The following ADAM10 variants were observed in gnomAD, a reference collection of about 807,000 sequenced individuals.
The protein encoded by ADAM10 is disintegrin and metalloproteinase domain-containing protein 10.
ADAM10 carries 17 observed loss-of-function variants against 90.1 expected under a neutral mutation model. That is an observed-to-expected ratio of 0.19 (90% confidence interval 0.13 to 0.28). The LOEUF is 0.28. Ranked by LOEUF, ADAM10 falls within the 10% of genes least tolerant of loss-of-function variation. The pLI is 1.00. For synonymous variants in ADAM10, 310 were observed against 298.6 expected, an observed-to-expected ratio of 1.04 and a Z score of -0.40; for missense variants, 610 against 914.3, an observed-to-expected ratio of 0.67 and a Z score of 4.29.
intron 11 of ADAM10, among the ~76,000 whole-genome samples, chr15:58,620,398 C>T (rs1196944787): frequency 1.3e-5 from 2 of 151,662 alleles, no homozygotes; most frequent in Non-Finnish European, 2.9e-5. Context: ...ACCTGGGAGG[C>T]AGAGGTTGCA....
intron 4 of ADAM10, among the ~76,000 whole-genome samples, chr15:58,667,944 G>C (rs1199399466): frequency 1.3e-5 from 2 of 151,992 alleles, no homozygotes; most frequent in South Asian, 2.1e-4. Context: ...AGCACAGAGT[G>C]ATTGTCCCTA....
intron 2 of ADAM10, among the ~76,000 whole-genome samples, chr15:58,717,299 T>A (rs1330752599): frequency 2.0e-5 from 3 of 152,210 alleles, no homozygotes; most frequent in African/African-American, 7.2e-5. Context: ...TCAGAAACTA[T>A]GTACACAGAA....
intron 1 of ADAM10, among the ~76,000 whole-genome samples, chr15:58,725,006 C>T (rs1898984131): frequency 6.6e-6 from 1 of 151,378 alleles, no homozygotes; most frequent in Non-Finnish European, 1.5e-5. Flanking sequence ...GCCTGGGCAA[C>T]ATGACCAAAC....
intron 1 of ADAM10, among the ~76,000 whole-genome samples, chr15:58,737,889 A>C (rs547098077): frequency 3.0e-4 from 45 of 152,188 alleles, no homozygotes; most frequent in Non-Finnish European, 4.9e-4. Flanking sequence ...ATAGTGGGTC[A>C]CCATCATCAC....
In ADAM10 at chr15:58,647,248, A is replaced by ATTTTTTTTTTTTTTTTTTTTTTTTT; in HGVS notation, c.586-1069_586-1045dup. Reference sequence around the variant, plus strand: ...TGGCAGCAAAGAGTAGACACTAAGTATTTTTTTTTTTTTTTTTTTTTTTTT... The same window carrying ATTTTTTTTTTTTTTTTTTTTTTTTT: ...TGGCAGCAAAGAGTAGACACTAAGTATTTTTTTTTTTTTTTTTTTTTTTTTTTTTTTTTTTTTTTTTTTTTTTTTT... On this transcript the variant is annotated intron_variant, in intron 5 of 15. Transcript: ENST00000260408. Among the ~76,000 whole-genome samples, 39 of 59,596 alleles carry ATTTTTTTTTTTTTTTTTTTTTTTTT rather than the reference A, an allele frequency of 6.5e-4. 15 individuals are homozygous for ATTTTTTTTTTTTTTTTTTTTTTTTT. The highest frequency in any genetic ancestry group is 1.2e-3 in the Non-Finnish European group (33 of 27,848). 39.1% of individuals were successfully genotyped at this position (59,596 alleles called of 152,430 possible). A position where few individuals can be genotyped will look rare whatever the true frequency, so the allele number is the denominator to read the frequency against.
At chr15:58,656,268 G>A (rs1896827046) in intron 5 of ADAM10, among the ~76,000 whole-genome samples, 1 of 151,932 alleles carries the variant, frequency 6.6e-6, no homozygotes, top group African/African-American at 2.4e-5. Flanking sequence ...AATCCATTTA[G>A]CTACTCTATG....
Position 58,743,644 on chromosome 15 carries a change from G to C in ADAM10, c.55+5836C>G, listed in dbSNP as rs181962753. ...TTTGAGACGGAGTTTCACTCTTGTC[G>C]CCCAGGCTAGAGTGCAGTGGTGCGA... On this transcript the variant is annotated intron_variant, in intron 1 of 15. Transcript: ENST00000260408. 4.1e-5 allele frequency among the ~76,000 whole-genome samples: 6 copies of C among 145,674 alleles called. No individual in the cohort carries two copies. In the Middle Eastern group the frequency reaches 0.011, roughly 258 times the overall value.
intron 7 of ADAM10, among the ~76,000 whole-genome samples, chr15:58,643,037 C>G (rs996632757): frequency 6.6e-6 from 1 of 151,866 alleles, no homozygotes; most frequent in Non-Finnish European, 1.5e-5. Context: ...ATTAAGGAAC[C>G]CTGTGGCAAA....
chr15:58,616,717 A>G (rs1388539341), intron 11 of ADAM10, among the ~76,000 whole-genome samples: 1 of 152,210 alleles, frequency 6.6e-6, no homozygotes, highest in African/African-American at 2.4e-5. Context: ...CACCTCAACG[A>G]ATCAGGAAAA....
rs1188488177 is a variant in ADAM10, at chr15:58,597,088, G to A, written c.*459C>T. 4 of 297,022 alleles carry A rather than the reference G, an allele frequency of 1.3e-5. No individual in the cohort carries two copies. The highest frequency in any genetic ancestry group is 8.7e-5 in the African/African-American group (4 of 45,954). The allele number at this position is 297,022 out of a possible 1,614,324, so 18.4% of individuals were successfully genotyped here. A position where few individuals can be genotyped will look rare whatever the true frequency, so the allele number is the denominator to read the frequency against. ...AGTACAGTGTACGTAAGAAATACAT[G>A]TCTGCATATAACAAGGTATGTACAT... On this transcript the variant is annotated 3_prime_UTR_variant, in exon 16 of 16. Coordinates refer to ENST00000260408, the MANE Select transcript of ADAM10 (RefSeq NM_001110.4).
intron 3 of ADAM10, among the ~76,000 whole-genome samples, chr15:58,681,437 T>C (rs1458092328): frequency 6.6e-6 from 1 of 152,254 alleles, no homozygotes; most frequent in African/African-American, 2.4e-5. Context: ...ATTTAATTTT[T>C]CATGTTACTA....
chr15:58,724,172 G>A lies in ADAM10; in HGVS notation c.56-6445C>T, dbSNP rs191403662. ...AGCCTAGGCAACAGAGCAAGACTCCGTCTCAAAAAAAAAAAAAGAAAGAAA... is the reference window on the plus strand; with the variant it reads ...AGCCTAGGCAACAGAGCAAGACTCCATCTCAAAAAAAAAAAAAGAAAGAAA... On this transcript the variant is annotated intron_variant, in intron 1 of 15. Transcript: ENST00000260408. Among the ~76,000 whole-genome samples the A allele has an allele frequency of 4.2e-3, 623 of 149,210 alleles. 4 individuals carry two copies. Among genetic ancestry groups the A allele is most frequent in the African/African-American group, 0.015 (590 of 40,386 alleles).
At chr15:58,621,262 CAAAAAAAAA>C (rs749439192) in intron 11 of ADAM10, among the ~76,000 whole-genome samples, 200 bp downstream of exon 11, 199 of 25,272 alleles carry the variant, frequency 7.9e-3, no homozygotes, top group African/African-American at 0.016. Context: ...GACCCTGTCT[CAAAAAAAAA>C]AAAAAAAAAA....
chr15:58,733,305 T>G (rs1899318914), intron 1 of ADAM10, among the ~76,000 whole-genome samples: 1 of 149,902 alleles, frequency 6.7e-6, no homozygotes, highest in Non-Finnish European at 1.5e-5. Flanking sequence ...CAAAACCTGG[T>G]GGTTCTTCAT....
intron 1 of ADAM10, among the ~76,000 whole-genome samples, chr15:58,720,253 G>C (rs1410606562): frequency 6.6e-6 from 1 of 151,992 alleles, no homozygotes; most frequent in East Asian, 1.9e-4. Context: ...TTCTCCTCTT[G>C]AACACACTCC....
intron 10 of ADAM10, among the ~76,000 whole-genome samples, chr15:58,625,124 T>C (rs919539337): frequency 1.3e-5 from 2 of 152,246 alleles, no homozygotes; most frequent in South Asian, 2.1e-4. Context: ...AAGAAAAAGA[T>C]AATGCCAATC....
intron 5 of ADAM10, among the ~76,000 whole-genome samples, chr15:58,664,042 A>G (rs1478544419): frequency 1.3e-5 from 2 of 151,800 alleles, no homozygotes; most frequent in East Asian, 3.9e-4. Flanking sequence ...CCTAAAATCT[A>G]CTCTTAAACT....
chr15:58,611,166 T>C lies in ADAM10; in HGVS notation c.1696-59A>G. On this transcript the variant is annotated intron_variant, in intron 12 of 15. Transcript: ENST00000260408. The stretch of plus-strand genomic sequence containing the variant: ...CCTATACAGTCAAACCTATTTTTTA[T>C]AGTAACAGACAGGCAAGTATGAGCT... The C allele has an allele frequency of 3.1e-6, 4 of 1,282,590 alleles. No homozygotes were observed. The East Asian group carries it at 6.9e-5, about 22-fold the overall frequency. The allele number at this position is 1,282,590 out of a possible 1,614,324, so 79.5% of individuals were successfully genotyped here. A position where few individuals can be genotyped will look rare whatever the true frequency, so the allele number is the denominator to read the frequency against.
chr15:58,661,904 A>C (rs1473631261), intron 5 of ADAM10, among the ~76,000 whole-genome samples: 1 of 152,030 alleles, frequency 6.6e-6, no homozygotes, highest in Non-Finnish European at 1.5e-5. Flanking sequence ...TATATTTTTC[A>C]CCCTAGAAGT....
Sources: gnomAD v4.1 joint callset for allele counts (sites outside exome capture counted in the v4.1 genomes callset) on GRCh38, gnomAD v4.1.1 for gene constraint, MANE v1.5 for transcripts, NCBI Gene and HGNC (gene_info 2026-07-23, HGNC 2026-07-21) for gene names.